CD96: variants seen among roughly 807,000 people sequenced by gnomAD.
CD96 encodes the protein T-cell surface protein tactile.
In CD96, 70 loss-of-function variants were observed where a neutral mutation model predicts 71.3. The observed-to-expected ratio is 0.98, with a 90% CI of 0.81 to 1.20. The LOEUF (loss-of-function observed/expected upper bound fraction) is 1.20, where lower values mean the gene tolerates loss of function less well. Among genes scored for constraint, CD96 ranks in the 50% most tolerant of loss-of-function variants. The probability of loss-of-function intolerance (pLI) is 0.00; values close to 1 mark genes in which losing one functional copy is unlikely to be tolerated. For missense variants in CD96, 742 were observed against 677.5 expected (o/e 1.10, Z -1.06); for synonymous variants, 248 against 233.0 (o/e 1.06, Z -0.59).
At chr3:111,594,130 C>G (rs145211272) in intron 5 of CD96, 2 of 1,613,936 alleles carry the variant, frequency 1.2e-6, no homozygotes, top group East Asian at 4.5e-5. Context: ...TCTCTTCCTC[C>G]TCCTTCATCT....
intron 6 of CD96, among the ~76,000 whole-genome samples, chr3:111,600,500 T>A (rs1250149777): frequency 6.6e-6 from 1 of 152,186 alleles, no homozygotes; most frequent in Non-Finnish European, 1.5e-5. Flanking sequence ...ACACTATTAG[T>A]CAACATATTT....
intron 10 of CD96, among the ~76,000 whole-genome samples, chr3:111,629,816 T>C (rs1938968418): frequency 6.6e-6 from 1 of 152,104 alleles, no homozygotes; most frequent in Non-Finnish European, 1.5e-5. Flanking sequence ...TAACAAAGTC[T>C]CTCAGACCAC....
At chr3:111,643,833 T>C (rs1033909148) in intron 12 of CD96, among the ~76,000 whole-genome samples, 2 of 151,580 alleles carry the variant, frequency 1.3e-5, no homozygotes, top group African/African-American at 4.8e-5. Context: ...AGATAAATCA[T>C]AGATGACACA....
At chr3:111,555,904 T>C (rs1428689582) in intron 2 of CD96, among the ~76,000 whole-genome samples, 1 of 152,304 alleles carries the variant, frequency 6.6e-6, no homozygotes, top group Admixed American at 6.5e-5. Flanking sequence ...TCATGTATGT[T>C]ACCATACTTG....
intron 5 of CD96, among the ~76,000 whole-genome samples, chr3:111,591,656 A>C (rs1936995154): frequency 1.3e-5 from 2 of 152,170 alleles, no homozygotes; most frequent in South Asian, 4.1e-4. Context: ...AGCCGTCGTC[A>C]CTTGCACTGG....
intron 4 of CD96, among the ~76,000 whole-genome samples, chr3:111,579,651 G>A (rs889751904): frequency 1.3e-5 from 2 of 152,132 alleles, no homozygotes; most frequent in African/African-American, 2.4e-5. Context: ...ATCACATGGC[G>A]AGGGGACAGA....
chr3:111,593,455 T>G (rs1198685978), intron 5 of CD96: 1 of 1,450,194 alleles, frequency 6.9e-7, no homozygotes, highest in Non-Finnish European at 9.1e-7. Context: ...GTCACCAAAC[T>G]ACTTTGCTTT....
At chr3:111,583,246 G>A (rs1049732188) in intron 4 of CD96, among the ~76,000 whole-genome samples, 1 of 152,116 alleles carries the variant, frequency 6.6e-6, no homozygotes, top group Admixed American at 6.5e-5. Flanking sequence ...CTTGCATCTG[G>A]GTCACACAGA....
chr3:111,577,545 TA>T, intron 3 of CD96: 1 of 1,590,970 alleles, frequency 6.3e-7, no homozygotes, highest in Non-Finnish European at 8.6e-7. Context: ...TCTAAGGGTA[TA>T]AAGGTATGTA....
At chr3:111,644,664 TAGTA>T (rs977902518) in intron 12 of CD96, among the ~76,000 whole-genome samples, 4 of 151,626 alleles carry the variant, frequency 2.6e-5, no homozygotes, top group African/African-American at 9.7e-5. Flanking sequence ...TCAAACAAAT[TAGTA>T]AGAAAAAAAC....
chr3:111,593,630 A>T, intron 5 of CD96: 1 of 1,595,976 alleles, frequency 6.3e-7, no homozygotes, highest in Non-Finnish European at 8.6e-7. Context: ...CTTCCACTTC[A>T]TCTCCAGGAT....
intron 9 of CD96, 115 bp from the exon 10 acceptor site, chr3:111,624,218 T>C (rs1036461296): frequency 1.0e-5 from 8 of 777,700 alleles, no homozygotes; most frequent in African/African-American, 6.8e-5. Flanking sequence ...GGGAAGCACA[T>C]TTTCAATTTC....
chr3:111,579,540 C>T (rs981283361), intron 4 of CD96: 1 of 398,676 alleles, frequency 2.5e-6, no homozygotes, highest in Non-Finnish European at 4.8e-6. Flanking sequence ...GAATTTATTA[C>T]TTACAGTTAT....
At chr3:111,659,350 C>T (rs1421829352) in intron 14 of CD96, among the ~76,000 whole-genome samples, 2 of 151,944 alleles carry the variant, frequency 1.3e-5, no homozygotes. Context: ...GGATCTTTTG[C>T]ATCTCAACTT....
chr3:111,545,892 C>T (rs1021808129), intron 2 of CD96, among the ~76,000 whole-genome samples: 5 of 152,052 alleles, frequency 3.3e-5, no homozygotes, highest in African/African-American at 1.2e-4. Context: ...TGGTCAGCTT[C>T]CCTTTTAAAA....
At chr3:111,628,625 C>A (rs1371795163) in intron 10 of CD96, among the ~76,000 whole-genome samples, 12 of 152,092 alleles carry the variant, frequency 7.9e-5, no homozygotes, top group Non-Finnish European at 2.9e-5. Flanking sequence ...ACCAACCTAG[C>A]AATACAAGCC....
chr3:111,582,168 A>G lies in CD96; in HGVS notation c.751+2934A>G, dbSNP rs550505605. ...ATAATCTCAATAAATCATTATGCAA[A>G]GAGTCATCTAGTCATCAAAGAGTTA... is the stretch of plus-strand genomic sequence containing the variant. On this transcript the variant is annotated intron_variant, in intron 4 of 13. Coordinates refer to ENST00000352690, the MANE Select transcript of CD96 (RefSeq NM_005816.5). Among the ~76,000 whole-genome samples the G allele has an allele frequency of 2.6e-5, 4 of 152,322 alleles. No homozygotes were observed. In the East Asian group the frequency reaches 7.7e-4, roughly 29 times the overall value.
chr3:111,629,753 T>C (rs980867816), intron 10 of CD96, among the ~76,000 whole-genome samples: 1 of 152,076 alleles, frequency 6.6e-6, no homozygotes, highest in Non-Finnish European at 1.5e-5. Context: ...CTAAAATTTA[T>C]CACATAATCA....
chr3:111,579,428 T>G (rs191984177), intron 4 of CD96, 194 bp downstream of exon 4: 7 of 666,262 alleles, frequency 1.1e-5, no homozygotes, highest in Non-Finnish European at 2.0e-5. Context: ...GATGATTCTG[T>G]TAACAGAATA....
Sources: allele counts gnomAD v4.1 joint callset (sites outside exome capture counted in the v4.1 genomes callset), GRCh38; gene constraint gnomAD v4.1.1; transcripts MANE v1.5; gene names NCBI Gene and HGNC (gene_info 2026-07-23, HGNC 2026-07-21).